ZNF385D: variants seen among roughly 807,000 people sequenced by gnomAD.
ZNF385D encodes the protein zinc finger protein 659.
In ZNF385D, 15 loss-of-function variants were observed where a neutral mutation model predicts 35.8. The observed-to-expected ratio is 0.42, with a 90% CI of 0.28 to 0.64. The LOEUF is 0.64. ZNF385D is among the 30% of genes least tolerant of loss of function. The pLI, the probability that ZNF385D is intolerant of heterozygous loss-of-function variation, is 0.23. For synonymous variants in ZNF385D, 212 were observed against 186.8 expected (o/e 1.13, Z -1.10); for missense variants, 474 against 494.6 (o/e 0.96, Z 0.39).
At chr3:21,828,610 T>C (rs979878257) in intron 3 of ZNF385D, among the ~76,000 whole-genome samples, 9 of 152,206 alleles carry the variant, frequency 5.9e-5, no homozygotes, top group African/African-American at 2.2e-4. Flanking sequence ...GTCAGGCAGG[T>C]ATGGATAGTA....
At chr3:22,327,538 C>A (rs1022100842) in intron 2 of ZNF385D, among the ~76,000 whole-genome samples, 2 of 152,172 alleles carry the variant, frequency 1.3e-5, no homozygotes, top group African/African-American at 2.4e-5. Context: ...CATTTCCATG[C>A]ATCGTTTCGG....
intron 2 of ZNF385D, among the ~76,000 whole-genome samples, chr3:22,351,178 G>GA: frequency 6.6e-6 from 1 of 152,030 alleles, no homozygotes; most frequent in Admixed American, 6.5e-5. Context: ...TTATTTTATA[G>GA]GAATGCAAAG....
At chr3:21,801,888 A>G (rs192361621) in intron 3 of ZNF385D, among the ~76,000 whole-genome samples, 2 of 152,300 alleles carry the variant, frequency 1.3e-5, no homozygotes, top group East Asian at 3.9e-4. Context: ...ATATTCCAGA[A>G]ATTACTGAAG....
chr3:21,551,102 T>C (rs1290728699), intron 3 of ZNF385D, among the ~76,000 whole-genome samples: 1 of 152,226 alleles, frequency 6.6e-6, no homozygotes, highest in Non-Finnish European at 1.5e-5. Flanking sequence ...GAGTGAGTTC[T>C]AGCTGCTGAA....
At chr3:22,134,077 C>A (rs79863760) in intron 3 of ZNF385D, 1 of 151,972 alleles carries the variant, frequency 6.6e-6, no homozygotes, top group African/African-American at 2.4e-5. Context: ...GACTTAAATA[C>A]TAAAGTATCA....
intron 3 of ZNF385D, among the ~76,000 whole-genome samples, chr3:22,049,237 A>G (rs1414901774): frequency 1.3e-5 from 2 of 151,778 alleles, no homozygotes; most frequent in African/African-American, 4.8e-5. Flanking sequence ...CAGAGGTTGC[A>G]GTGAGCCGAG....
rs182000361 is a variant in ZNF385D at position 22,029,492 on chromosome 3, G to A, written c.325+139325C>T. On this transcript the variant is annotated intron_variant, in intron 3 of 5. Transcript: ENST00000494108. The stretch of plus-strand genomic sequence containing the variant: ...GCTTGCTGAAGGCAAGGAAAACACA[G>A]AATAAATAGTAGATAAAAGGTAATC... Among the ~76,000 whole-genome samples the A allele has an allele frequency of 3.3e-3, 499 of 152,260 alleles. 1 individual carries two copies. The highest frequency in any genetic ancestry group is 5.8e-3 in the Non-Finnish European group (393 of 68,020).
chr3:21,513,024 GCTAT>G (rs1484428639), intron 3 of ZNF385D, among the ~76,000 whole-genome samples: 1 of 151,986 alleles, frequency 6.6e-6, no homozygotes, highest in Non-Finnish European at 1.5e-5. Context: ...GATTAATCGT[GCTAT>G]CTCCACTTAT....
intron 2 of ZNF385D, among the ~76,000 whole-genome samples, chr3:22,326,518 A>G (rs971986701): frequency 6.6e-6 from 1 of 152,158 alleles, no homozygotes; most frequent in Non-Finnish European, 1.5e-5. Context: ...CATGCACAGG[A>G]TACCACAGGA....
intron 2 of ZNF385D, among the ~76,000 whole-genome samples, chr3:21,663,929 A>ATATATATATATATATATAT (rs1553633494): frequency 7.3e-6 from 1 of 137,898 alleles, no homozygotes; most frequent in Non-Finnish European, 1.6e-5. Context: ...TTATTTATTT[A>ATATATATATATATATATAT]AATCCATCAT....
Position 21,799,879 on chromosome 3 carries a change from C to T in ZNF385D, c.326-134851G>A, listed in dbSNP as rs527280986. ...ATGTTTTCTTCTAAGAGTTTTATAA[C>T]TTTAGAATGCACATAGAGGCCTTTG... On this transcript the variant is annotated intron_variant, in intron 3 of 5. Transcript: ENST00000494108. 2.6e-5 allele frequency among the ~76,000 whole-genome samples: 4 copies of T among 152,148 alleles called. No homozygotes were observed. The East Asian group carries it at 7.7e-4, about 29-fold the overall frequency.
intron 3 of ZNF385D, chr3:21,777,738 T>C (rs2071343560): frequency 6.6e-6 from 1 of 151,960 alleles, no homozygotes; most frequent in Admixed American, 6.6e-5. Context: ...TACTGCCTTA[T>C]TTTGTACTTG....
intron 3 of ZNF385D, among the ~76,000 whole-genome samples, chr3:21,547,658 C>G (rs1403829875): frequency 6.6e-6 from 1 of 151,490 alleles, no homozygotes; most frequent in Non-Finnish European, 1.5e-5. Flanking sequence ...GCTCTGTCTC[C>G]CAGGCTGGAG....
rs115851617 is a variant in ZNF385D, at chr3:22,272,227, C to A, written c.106+100223G>T. 8.4e-3 allele frequency among the ~76,000 whole-genome samples: 1,285 copies of A among 152,140 alleles called. 19 individuals are homozygous for A. Among genetic ancestry groups the A allele is most frequent in the African/African-American group, 0.028 (1,183 of 41,546 alleles). On this transcript the variant is annotated intron_variant, in intron 2 of 5. Transcript: ENST00000494108. ...TTTCACATTCAGCTATCCTGACCAC[C>A]TTATCCTTTAAATGCATTTTTAACT... is the stretch of plus-strand genomic sequence containing the variant.
At chr3:21,429,635 A>T (rs1701198571) in intron 5 of ZNF385D, among the ~76,000 whole-genome samples, 1 of 152,098 alleles carries the variant, frequency 6.6e-6, no homozygotes, top group Non-Finnish European at 1.5e-5. Context: ...GTGCCAAATT[A>T]TTTTCTAAAA....
chr3:21,446,149 C>T (rs1290203439), intron 4 of ZNF385D, among the ~76,000 whole-genome samples: 1 of 152,178 alleles, frequency 6.6e-6, no homozygotes, highest in Non-Finnish European at 1.5e-5. Context: ...AACAAGTTCC[C>T]AGGTATTGCT....
intron 3 of ZNF385D, among the ~76,000 whole-genome samples, chr3:22,146,826 T>A (rs531287283): frequency 6.6e-6 from 1 of 152,198 alleles, no homozygotes; most frequent in Non-Finnish European, 1.5e-5. Flanking sequence ...GATACTCTTA[T>A]GAAAATAAGG....
At chr3:22,102,407 C>T (rs1701984915) in intron 3 of ZNF385D, among the ~76,000 whole-genome samples, 1 of 151,862 alleles carries the variant, frequency 6.6e-6, no homozygotes, top group Admixed American at 6.6e-5. Flanking sequence ...AATATGAATC[C>T]CTGCAGTTTG....
intron 3 of ZNF385D, among the ~76,000 whole-genome samples, chr3:21,992,947 A>G (rs1559828776): frequency 6.6e-6 from 1 of 152,194 alleles, no homozygotes; most frequent in East Asian, 1.9e-4. Flanking sequence ...CTAATTACCA[A>G]ATTGTACAAA....
Sources: gnomAD v4.1 joint callset for allele counts (sites outside exome capture counted in the v4.1 genomes callset) on GRCh38, gnomAD v4.1.1 for gene constraint, MANE v1.5 for transcripts, NCBI Gene and HGNC (gene_info 2026-07-23, HGNC 2026-07-21) for gene names.